Variants in FAM241A observed in about 807,000 individuals in gnomAD.
The protein encoded by FAM241A is uncharacterized protein FAM241A.
Under a neutral mutation model 12.2 loss-of-function variants are expected in FAM241A, and 7 were observed. The ratio of observed to expected loss-of-function variants is 0.58; its 90% CI spans 0.33 to 1.08. The LOEUF is 1.08. Ranked by LOEUF, FAM241A falls within the 50% of genes least tolerant of loss-of-function variation. FAM241A has a pLI of 0.04. For synonymous variants in FAM241A, 74 were observed against 68.2 expected, an observed-to-expected ratio of 1.08 and a Z score of -0.42; for missense variants, 161 against 169.7, an observed-to-expected ratio of 0.95 and a Z score of 0.29.
At chr4:112,169,947 A>G (rs995624542) in intron 1 of FAM241A, among the ~76,000 whole-genome samples, 3 of 152,204 alleles carry the variant, frequency 2.0e-5, no homozygotes, top group African/African-American at 7.2e-5. Flanking sequence ...TTTTATAAGA[A>G]GGTAACAAGG....
rs376066122 is a variant in FAM241A, at chr4:112,186,780, A to C, written c.241A>C (p.Asn81His). The C allele has an allele frequency of 7.6e-5, 122 of 1,614,078 alleles. No individual in the cohort carries two copies. The East Asian group carries it at 2.6e-3, about 34-fold the overall frequency. Residue 81 changes from asparagine to histidine, a missense_variant, in exon 2 of 2, where the codon AAC (asparagine) becomes CAC (histidine). Physicochemically the swap from Asn to His is moderately conservative, Grantham distance 68. Transcript: ENST00000309733. Reference protein sequence around the residue: ...MGTLFGELNKNLINMGFTRMY... With the variant: ...MGTLFGELNKHLINMGFTRMY... ...AACACTTTTTGGTGAACTGAACAAAAACCTTATCAACATGGGCTTCACAAG... is the reference window on the plus strand; with the variant it reads ...AACACTTTTTGGTGAACTGAACAAACACCTTATCAACATGGGCTTCACAAG...
At chr4:112,160,503 G>A (rs1723442310) in intron 1 of FAM241A, among the ~76,000 whole-genome samples, 1 of 151,710 alleles carries the variant, frequency 6.6e-6, no homozygotes, top group African/African-American at 2.4e-5. Context: ...CAGATTCAAC[G>A]CAATTTCTAT....
chr4:112,163,355 C>T (rs1342222897), intron 1 of FAM241A, among the ~76,000 whole-genome samples: 2 of 152,086 alleles, frequency 1.3e-5, no homozygotes, highest in Non-Finnish European at 2.9e-5. Context: ...AAGAAACTAC[C>T]ATCAGAGTGA....
chr4:112,145,834 C>A, intron 1 of FAM241A, 101 bp downstream of exon 1: 1 of 721,292 alleles, frequency 1.4e-6, no homozygotes, highest in Non-Finnish European at 1.8e-6. Flanking sequence ...CGCGCCGCAG[C>A]TCTGCCCCGC....
intron 1 of FAM241A, among the ~76,000 whole-genome samples, chr4:112,169,505 A>G (rs541829351): frequency 6.6e-6 from 1 of 152,356 alleles, no homozygotes; most frequent in Non-Finnish European, 1.5e-5. Context: ...GAAAGAGACA[A>G]CAAAAGAGTG....
chr4:112,183,604 G>GAAA (rs35758634), intron 1 of FAM241A, among the ~76,000 whole-genome samples: 1 of 149,056 alleles, frequency 6.7e-6, no homozygotes, highest in Non-Finnish European at 1.5e-5. Flanking sequence ...CAAAAATACT[G>GAAA]AAAAAAAAAG....
In FAM241A at chr4:112,186,713, C is replaced by A. The variant is rs1724050010; in HGVS notation, c.174C>A (p.Asn58Lys). The stretch of plus-strand genomic sequence containing the variant: ...TAAAGGATGTTGAAGACTCACAGAA[C>A]CACACTGGTGAGCCGGTTGGAGATG... ...ESEQDVEDSQNHTGEPVGDDY... is the reference protein window; with the variant it reads ...ESEQDVEDSQKHTGEPVGDDY... Residue 58 changes from asparagine to lysine, a missense_variant, in exon 2 of 2, where the codon AAC (asparagine) becomes AAA (lysine). Asn to Lys is a moderately conservative substitution (Grantham distance 94). Coordinates refer to ENST00000309733, the MANE Select transcript of FAM241A (RefSeq NM_152400.3). The A allele has an allele frequency of 6.2e-7, 1 of 1,612,012 alleles. No individual in the cohort carries two copies. Among genetic ancestry groups the A allele is most frequent in the Non-Finnish European group, 8.5e-7 (1 of 1,179,180 alleles).
At chr4:112,179,562 G>T (rs1440107375) in intron 1 of FAM241A, among the ~76,000 whole-genome samples, 1 of 151,954 alleles carries the variant, frequency 6.6e-6, no homozygotes, top group Non-Finnish European at 1.5e-5. Flanking sequence ...CTGTAGTGGG[G>T]TGGGGAGAAG....
At chr4:112,163,866 A>C (rs576802966) in intron 1 of FAM241A, among the ~76,000 whole-genome samples, 1 of 152,138 alleles carries the variant, frequency 6.6e-6, no homozygotes, top group Non-Finnish European at 1.5e-5. Context: ...TGCCAACCCA[A>C]GTGTCCATCA....
chr4:112,172,241 A>T (rs1723738578), intron 1 of FAM241A, among the ~76,000 whole-genome samples: 1 of 152,226 alleles, frequency 6.6e-6, no homozygotes, highest in Non-Finnish European at 1.5e-5. Context: ...GTGTCATGAA[A>T]TAAGTTAAAA....
At chr4:112,152,864 G>C (rs1341836024) in intron 1 of FAM241A, among the ~76,000 whole-genome samples, 1 of 152,100 alleles carries the variant, frequency 6.6e-6, no homozygotes, top group East Asian at 1.9e-4. Context: ...TTTGTAATGG[G>C]TATGATGCTA....
intron 1 of FAM241A, among the ~76,000 whole-genome samples, chr4:112,162,144 T>C (rs1244293601): frequency 2.6e-5 from 4 of 152,218 alleles, no homozygotes; most frequent in Admixed American, 6.5e-5. Flanking sequence ...AAATTAGGTA[T>C]TGATGGGACG....
intron 1 of FAM241A, among the ~76,000 whole-genome samples, chr4:112,172,771 T>C (rs1723749185): frequency 6.6e-6 from 1 of 152,250 alleles, no homozygotes; most frequent in Admixed American, 6.5e-5. Flanking sequence ...TAAAGTGTTT[T>C]TAAAGCCAAA....
intron 1 of FAM241A, among the ~76,000 whole-genome samples, chr4:112,181,225 C>G (rs982497265): frequency 6.6e-6 from 1 of 152,006 alleles, no homozygotes. Flanking sequence ...TAAGTAATGT[C>G]CACAACAGAA....
At position 112,186,994 on chromosome 4, in the gene FAM241A, G is replaced by A. The variant is rs774419672; in HGVS notation, c.*56G>A. 25 of 1,545,680 alleles carry A rather than the reference G, an allele frequency of 1.6e-5. No individual in the cohort carries two copies. Among genetic ancestry groups the A allele is most frequent in the Non-Finnish European group, 1.9e-5 (22 of 1,146,366 alleles). ...GGTAGCCATATATGTAATTGAAGAAGTTATATATTTCACTTTTTGACAACC... is the reference window on the plus strand; with the variant it reads ...GGTAGCCATATATGTAATTGAAGAAATTATATATTTCACTTTTTGACAACC... On this transcript the variant is annotated 3_prime_UTR_variant, in exon 2 of 2. Transcript: ENST00000309733.
chr4:112,146,360 A>G (rs1291956258), intron 1 of FAM241A, among the ~76,000 whole-genome samples: 1 of 152,240 alleles, frequency 6.6e-6, no homozygotes, highest in Non-Finnish European at 1.5e-5. Flanking sequence ...TTTCGGTTAT[A>G]AGAGGCCAGC....
Position 112,194,702 on chromosome 4 carries a change from C to T in FAM241A, c.*7764C>T, listed in dbSNP as rs1300019342. ...CCTTGCATCCCAGGGATGAAGCCCA[C>T]TTGAACATGGTGGATAAGCTTTTTG... On this transcript the variant is annotated 3_prime_UTR_variant, in exon 2 of 2. Transcript: ENST00000309733. 2 of 152,192 alleles carry T rather than the reference C, an allele frequency of 1.3e-5. No individual in the cohort carries two copies. The highest frequency in any genetic ancestry group is 4.8e-5 in the African/African-American group (2 of 41,440). The allele number at this position is 152,192 out of a possible 1,614,324, so 9.4% of individuals were successfully genotyped here. A position where few individuals can be genotyped will look rare whatever the true frequency, so the allele number is the denominator to read the frequency against.
chr4:112,179,782 A>G lies in FAM241A; in HGVS notation c.154-6911A>G, dbSNP rs1723892030. Among the ~76,000 whole-genome samples the G allele has an allele frequency of 2.0e-5, 3 of 149,530 alleles. No homozygotes were observed. In the South Asian group the frequency reaches 6.3e-4, roughly 31 times the overall value. ...TGACCCAGCAATCCTATTACTGCAT[A>G]TATACCCAAATAAAATAAATCGTTT... On this transcript the variant is annotated intron_variant, in intron 1 of 1. Transcript: ENST00000309733.
At chr4:112,182,162 C>T (rs530266861) in intron 1 of FAM241A, among the ~76,000 whole-genome samples, 6 of 152,250 alleles carry the variant, frequency 3.9e-5, no homozygotes, top group African/African-American at 9.6e-5. Flanking sequence ...CCTTAGAGTT[C>T]TGACCTTTGG....
Sources: allele counts gnomAD v4.1 joint callset (sites outside exome capture counted in the v4.1 genomes callset), GRCh38; gene constraint gnomAD v4.1.1; transcripts MANE v1.5; gene names NCBI Gene and HGNC (gene_info 2026-07-23, HGNC 2026-07-21).